FHIP1A: variants seen among roughly 807,000 people sequenced by gnomAD.
FHIP1A encodes the protein FHF complex subunit HOOK-interacting protein 1A.
FHIP1A carries 61 observed loss-of-function variants against 88.6 expected under a neutral mutation model. That is an observed-to-expected ratio of 0.69 (90% confidence interval 0.56 to 0.85). FHIP1A has a LOEUF of 0.85. Ranked by LOEUF, FHIP1A falls within the 40% of genes least tolerant of loss-of-function variation. FHIP1A has a pLI of 0.00. For missense variants in FHIP1A, 1,154 were observed against 1,273.5 expected (o/e 0.91, Z 1.43); for synonymous variants, 478 against 496.0 (o/e 0.96, Z 0.48).
At chr4:151,603,933 G>T (rs1381917711) in intron 7 of FHIP1A, among the ~76,000 whole-genome samples, 1 of 152,100 alleles carries the variant, frequency 6.6e-6, no homozygotes, top group Non-Finnish European at 1.5e-5. Context: ...TCTTTCTTCA[G>T]ATTATCTCAC....
chr4:151,587,913 A>C (rs1243042270), intron 6 of FHIP1A, among the ~76,000 whole-genome samples: 2 of 152,102 alleles, frequency 1.3e-5, no homozygotes, highest in African/African-American at 4.8e-5. Context: ...AGATGGAACT[A>C]CTATTAGTTC....
At chr4:151,553,026 C>T (rs2126748622) in intron 3 of FHIP1A, among the ~76,000 whole-genome samples, 1 of 152,168 alleles carries the variant, frequency 6.6e-6, no homozygotes, top group Admixed American at 6.5e-5. Flanking sequence ...CCAAACCTGG[C>T]TAAGCCACAG....
In FHIP1A at chr4:151,526,088, C is replaced by A. The variant is rs1731621813; in HGVS notation, c.-122-40050C>A. Among the ~76,000 whole-genome samples, 2 of 152,196 alleles carry A rather than the reference C, an allele frequency of 1.3e-5. 1 individual carries two copies. The highest frequency in any genetic ancestry group is 1.3e-4 in the Admixed American group (2 of 15,284). On this transcript the variant is annotated intron_variant, in intron 3 of 13. Coordinates refer to ENST00000435205, the MANE Select transcript of FHIP1A (RefSeq NM_001109977.3). ...CAGGGTTGGGGGTAAGGTCACAGTT[C>A]AACAGGATCCCAAGGCAGAAGAATT...
At chr4:151,654,048 C>T (rs1737136165) in intron 11 of FHIP1A, among the ~76,000 whole-genome samples, 1 of 151,742 alleles carries the variant, frequency 6.6e-6, no homozygotes, top group African/African-American at 2.4e-5. Context: ...TACCAGATCC[C>T]CCTCACATTT....
At chr4:151,507,323 T>C (rs1730870336) in intron 3 of FHIP1A, among the ~76,000 whole-genome samples, 1 of 152,138 alleles carries the variant, frequency 6.6e-6, no homozygotes, top group Non-Finnish European at 1.5e-5. Context: ...GGGGTCTCGC[T>C]ATATTGCCCA....
At chr4:151,460,251 G>C (rs1225899065) in intron 2 of FHIP1A, among the ~76,000 whole-genome samples, 1 of 152,110 alleles carries the variant, frequency 6.6e-6, no homozygotes, top group Non-Finnish European at 1.5e-5. Flanking sequence ...GTTTAAATTT[G>C]TGTGAGAGAG....
At chr4:151,425,992 ATTCAAGGTAAT>A (rs1733356957) in intron 1 of FHIP1A, among the ~76,000 whole-genome samples, 1 of 152,182 alleles carries the variant, frequency 6.6e-6, no homozygotes, top group African/African-American at 2.4e-5. Flanking sequence ...ATCTTTTGCC[ATTCAAGGTAAT>A]AGTCACAGGT....
chr4:151,463,083 T>A (rs558713168), intron 2 of FHIP1A, among the ~76,000 whole-genome samples: 3 of 152,346 alleles, frequency 2.0e-5, no homozygotes, highest in Non-Finnish European at 4.4e-5. Context: ...CTGTGTGTTA[T>A]TCATCATTGC....
In FHIP1A at chr4:151,574,385, C is replaced by T. The variant is rs193227585; in HGVS notation, c.106-3065C>T. 2.7e-3 allele frequency among the ~76,000 whole-genome samples: 403 copies of T among 151,754 alleles called. 7 individuals carry two copies. The highest frequency in any genetic ancestry group is 0.02 in the South Asian group (97 of 4,776). ...GTTCTCTTTTTAAAGTTTTTCATAG[C>T]AAAAAGAGGTCTGTTTGTAAAGGAT... On this transcript the variant is annotated intron_variant, in intron 4 of 13. Coordinates refer to ENST00000435205, the MANE Select transcript of FHIP1A (RefSeq NM_001109977.3).
At chr4:151,462,218 G>C (rs1284332996) in intron 2 of FHIP1A, among the ~76,000 whole-genome samples, 1 of 152,096 alleles carries the variant, frequency 6.6e-6, no homozygotes, top group Non-Finnish European at 1.5e-5. Flanking sequence ...ATTCTAATAT[G>C]TATCATTAAG....
chr4:151,614,120 GC>G (rs1735425690), intron 7 of FHIP1A, among the ~76,000 whole-genome samples: 2 of 149,868 alleles, frequency 1.3e-5, no homozygotes, highest in Admixed American at 6.7e-5. Context: ...CTGAGATTGT[GC>G]CATTGCACTC....
intron 3 of FHIP1A, among the ~76,000 whole-genome samples, chr4:151,536,917 C>T (rs1732090680): frequency 6.6e-6 from 1 of 152,076 alleles, no homozygotes; most frequent in Non-Finnish European, 1.5e-5. Flanking sequence ...CTCCGTTGCC[C>T]AGGCTGGAGT....
intron 8 of FHIP1A, among the ~76,000 whole-genome samples, chr4:151,633,350 A>T (rs1470516947): frequency 6.6e-6 from 1 of 152,008 alleles, no homozygotes; most frequent in Non-Finnish European, 1.5e-5. Flanking sequence ...ACCCAGGACC[A>T]GATGGCTTCA....
chr4:151,429,603 C>T (rs1352289971), intron 1 of FHIP1A, among the ~76,000 whole-genome samples: 2 of 152,124 alleles, frequency 1.3e-5, no homozygotes, highest in Non-Finnish European at 1.5e-5. Flanking sequence ...AATCCTGACA[C>T]TTTGGGAGGC....
chr4:151,614,338 A>G (rs1164253485), intron 7 of FHIP1A, among the ~76,000 whole-genome samples: 1 of 151,728 alleles, frequency 6.6e-6, no homozygotes, highest in African/African-American at 2.4e-5. Context: ...GTGTGGTGGC[A>G]TGCACCTGTA....
chr4:151,542,139 G>A (rs573727797), intron 3 of FHIP1A, among the ~76,000 whole-genome samples: 5 of 152,042 alleles, frequency 3.3e-5, no homozygotes, highest in South Asian at 2.1e-4. Flanking sequence ...CCTTCAAAGT[G>A]TGTGTGTGGC....
chr4:151,439,094 G>A (rs1279218642), intron 1 of FHIP1A, among the ~76,000 whole-genome samples: 1 of 152,068 alleles, frequency 6.6e-6, no homozygotes, highest in Non-Finnish European at 1.5e-5. Context: ...TTCAAATGAA[G>A]CTTAAACGGT....
At chr4:151,412,261 C>T (rs138141747) in intron 1 of FHIP1A, among the ~76,000 whole-genome samples, 182 of 152,248 alleles carry the variant, frequency 1.2e-3, no homozygotes, top group African/African-American at 4.2e-3. Context: ...CACCACCATG[C>T]TCAGCTAATT....
intron 3 of FHIP1A, among the ~76,000 whole-genome samples, chr4:151,529,107 C>T (rs1222719288): frequency 2.0e-5 from 3 of 152,152 alleles, no homozygotes; most frequent in Non-Finnish European, 4.4e-5. Flanking sequence ...CTTTCTGCCT[C>T]CTCATGGCCT....
Sources: allele counts gnomAD v4.1 joint callset (sites outside exome capture counted in the v4.1 genomes callset), GRCh38; gene constraint gnomAD v4.1.1; transcripts MANE v1.5; gene names NCBI Gene and HGNC (gene_info 2026-07-23, HGNC 2026-07-21).